PCDH10: variants seen among roughly 807,000 people sequenced by gnomAD.
PCDH10 encodes protocadherin-10.
In PCDH10, 15 loss-of-function variants were observed where a neutral mutation model predicts 74.4. That is an observed-to-expected ratio of 0.20 (90% CI 0.13 to 0.31). The LOEUF (loss-of-function observed/expected upper bound fraction) is 0.31, where lower values mean the gene tolerates loss of function less well. Among genes scored for constraint, PCDH10 ranks in the 10% least tolerant of loss-of-function variants. The pLI, the probability that PCDH10 is intolerant of heterozygous loss-of-function variation, is 1.00. For synonymous variants in PCDH10, 619 were observed against 589.8 expected (o/e 1.05, Z -0.72); for missense variants, 1,260 against 1,390.2 (o/e 0.91, Z 1.49).
Position 133,152,021 on chromosome 4 carries a change from C to G in PCDH10, c.1881C>G (p.Asn627Lys). Reference sequence around the variant, plus strand: ...GCATCGTGCGTGGCAACGAAATGAACCTCTTTCGCATGGACTGGCGCACCG... The same window carrying G: ...GCATCGTGCGTGGCAACGAAATGAAGCTCTTTCGCATGGACTGGCGCACCG... ...TYSIVRGNEM[N>K]LFRMDWRTGE... The change falls in exon 1 of 5, where the codon AAC becomes AAG. Residue 627 changes from asparagine (N) to lysine (K), a missense_variant. Asn to Lys is a moderately conservative substitution (Grantham distance 94). This residue lies in a region of PCDH10 where 587 missense variants were observed against 616.9 expected (regional missense o/e 0.95). Coordinates refer to ENST00000264360, the MANE Select transcript of PCDH10 (RefSeq NM_032961.3). The G allele has an allele frequency of 6.2e-7, 1 of 1,612,660 alleles. No individual in the cohort carries two copies. Among genetic ancestry groups the G allele is most frequent in the Non-Finnish European group, 8.5e-7 (1 of 1,179,764 alleles).
chr4:133,199,368 A>G (rs1727858350), downstream of PCDH10, among the ~76,000 whole-genome samples: 1 of 150,780 alleles, frequency 6.6e-6, no homozygotes, highest in African/African-American at 2.4e-5. Context: ...TGGAAAAGAG[A>G]AAAAGAGACA....
At position 133,182,591 on chromosome 4, in the gene PCDH10, T is replaced by C. The variant is rs892337356; in HGVS notation, c.3104-7550T>C. The stretch of plus-strand genomic sequence containing the variant: ...TCACAATTTCCATATTTTAGTGGAC[T>C]CTGATGAAGGATTCCAGAAAAATTT... On this transcript the variant is annotated intron_variant, in intron 4 of 4. Transcript: ENST00000264360. 6.6e-4 allele frequency among the ~76,000 whole-genome samples: 101 copies of C among 152,084 alleles called. 5 individuals are homozygous for C. The highest frequency in any genetic ancestry group is 8.8e-5 in the Non-Finnish European group (6 of 67,964).
intron 2 of PCDH10, among the ~76,000 whole-genome samples, chr4:133,207,845 AG>A (rs1728038385): frequency 6.6e-6 from 1 of 152,158 alleles, no homozygotes. Context: ...GTGTTTATGT[AG>A]GGTTGACAGC....
chr4:133,177,407 C>T (rs958929864), intron 4 of PCDH10, among the ~76,000 whole-genome samples: 3 of 152,088 alleles, frequency 2.0e-5, no homozygotes, highest in East Asian at 1.9e-4. Flanking sequence ...AAACCCCAAA[C>T]TTTAGTTACA....
downstream of PCDH10, among the ~76,000 whole-genome samples, chr4:133,197,499 A>T (rs1017347505): frequency 6.6e-6 from 1 of 152,152 alleles, no homozygotes; most frequent in African/African-American, 2.4e-5. Flanking sequence ...TTGTCATGAA[A>T]ACTAGGTTTT....
chr4:133,152,183 C>T lies in PCDH10; in HGVS notation c.2043C>T (p.Gly681=). The T allele has an allele frequency of 6.4e-7, 1 of 1,572,554 alleles. No homozygotes were observed. The highest frequency in any genetic ancestry group is 8.6e-7 in the Non-Finnish European group (1 of 1,159,988). ...CCCTGGTGGTTCAGCTGGTGGATGG[C>T]GCCGTGGAGCCCCAGGGCGGGGGCG... is the stretch of plus-strand genomic sequence containing the variant. ...TATLVVQLVD[G]AVEPQGGGGS... Residue 681 remains glycine, a synonymous_variant, in exon 1 of 5, where the codon GGC becomes GGT. Coordinates refer to ENST00000264360, the MANE Select transcript of PCDH10 (RefSeq NM_032961.3).
At chr4:133,174,182 T>C (rs1727249094) in intron 4 of PCDH10, among the ~76,000 whole-genome samples, 1 of 151,948 alleles carries the variant, frequency 6.6e-6, no homozygotes, top group Non-Finnish European at 1.5e-5. Flanking sequence ...ACACCTATTA[T>C]TAATCATCCA....
At chr4:133,169,617 C>T (rs1404076166) in intron 4 of PCDH10, among the ~76,000 whole-genome samples, 1 of 151,726 alleles carries the variant, frequency 6.6e-6, no homozygotes, top group Admixed American at 6.6e-5. Flanking sequence ...CAAAATAAGA[C>T]TATCAATTAA....
chr4:133,208,020 T>C (rs1386742368), intron 2 of PCDH10: 1 of 152,196 alleles, frequency 6.6e-6, no homozygotes, highest in African/African-American at 2.4e-5. Flanking sequence ...ATGCTATTGT[T>C]TCCATTTTGA....
At position 133,163,236 on chromosome 4, in the gene PCDH10, T is replaced by A. The variant is rs750827718; in HGVS notation, c.3057T>A (p.Asp1019Glu). The change falls in exon 4 of 5, where the codon GAT becomes GAA. Residue 1019 changes from aspartate to glutamate, a missense_variant. By Grantham distance (45) the Asp-to-Glu change is conservative (BLOSUM62 2). Transcript: ENST00000264360. ...GCACTCTGGAGAGGAAGGAGCTGGA[T>A]GGACTGCTGACTAATACGCGAGCGC... is the stretch of plus-strand genomic sequence containing the variant. ...LHSTLERKEL[D>E]GLLTNTRAPY... 17 of 1,613,966 alleles carry A rather than the reference T, an allele frequency of 1.1e-5. No homozygotes were observed. Among genetic ancestry groups the A allele is most frequent in the Non-Finnish European group, 1.4e-5 (17 of 1,180,000 alleles).
At chr4:133,184,704 T>A (rs1452910013) in intron 4 of PCDH10, among the ~76,000 whole-genome samples, 2 of 145,082 alleles carry the variant, frequency 1.4e-5, no homozygotes, top group Non-Finnish European at 3.0e-5. Flanking sequence ...ATAAAATATA[T>A]ATATTTATAT....
rs1467218476 is a variant in PCDH10 at position 133,191,962 on chromosome 4, TATACACACACACACAC to T, written c.*1804_*1819del. 2 of 139,362 alleles carry T rather than the reference TATACACACACACACAC, an allele frequency of 1.4e-5. No individual in the cohort carries two copies. The highest frequency in any genetic ancestry group is 1.4e-4 in the Admixed American group (2 of 14,498). 8.6% of individuals were successfully genotyped at this position (139,362 alleles called of 1,614,324 possible). On this transcript the variant is annotated 3_prime_UTR_variant, in exon 5 of 5. Transcript: ENST00000264360. Reference sequence around the variant, plus strand: ...TAGATTTAACTTTAAAATACATATATATACACACACACACACACACACACACACACACACTTAGGTC... The same window carrying T: ...TAGATTTAACTTTAAAATACATATATACACACACACACACACACTTAGGTC...
rs182664998 is a variant in PCDH10 at position 133,172,349 on chromosome 4, A to G, written c.3103+9067A>G. Reference sequence around the variant, plus strand: ...ATTTAAATTTCCATAATTTTCTCACATATACTATTTATATTCCCAATTGAT... The same window carrying G: ...ATTTAAATTTCCATAATTTTCTCACGTATACTATTTATATTCCCAATTGAT... On this transcript the variant is annotated intron_variant, in intron 4 of 4. Transcript: ENST00000264360. Among the ~76,000 whole-genome samples the G allele has an allele frequency of 5.4e-3, 816 of 152,138 alleles. 8 individuals carry two copies. Among genetic ancestry groups the G allele is most frequent in the African/African-American group, 0.019 (775 of 41,544 alleles).
At chr4:133,197,718 G>C (rs1727822975), downstream of PCDH10, among the ~76,000 whole-genome samples, 4 of 152,046 alleles carry the variant, frequency 2.6e-5, no homozygotes, top group Admixed American at 2.6e-4. Flanking sequence ...GGAACATTTA[G>C]ATAACATTGC....
chr4:133,151,264 C>T lies in PCDH10; in HGVS notation c.1124C>T (p.Thr375Ile), dbSNP rs373727018. 6.2e-7 allele frequency: 1 copy of T among 1,614,078 alleles called. No homozygotes were observed. The highest frequency in any genetic ancestry group is 8.5e-7 in the Non-Finnish European group (1 of 1,180,012). Residue 375 changes from threonine (T) to isoleucine (I), a missense_variant, in exon 1 of 5, where the codon ACT (threonine) becomes ATT (isoleucine). Around this residue, in one of 11 missense-constraint regions of PCDH10, gnomAD observed 112 missense variants for 123.6 expected, o/e 0.91. Coordinates refer to ENST00000264360, the MANE Select transcript of PCDH10 (RefSeq NM_032961.3). Reference sequence around the variant, plus strand: ...GTGAGTGAGGGCGCGGCGCCCGGCACTGTGGTGGCCCTTTTCAGCGTGACT... The same window carrying T: ...GTGAGTGAGGGCGCGGCGCCCGGCATTGTGGTGGCCCTTTTCAGCGTGACT... ...EAVSEGAAPGTVVALFSVTDR... is the reference protein window; with the variant it reads ...EAVSEGAAPGIVVALFSVTDR...
At chr4:133,208,275 C>T (rs1728090495) in exon 3 of PCDH10, 1 of 152,146 alleles carries the variant, frequency 6.6e-6, no homozygotes, top group Non-Finnish European at 1.5e-5. Flanking sequence ...AATTTTTGAA[C>T]CACACAGATT....
rs1162456535 is a variant in PCDH10, at chr4:133,151,777, G to T, written c.1637G>T (p.Arg546Leu). The T allele has an allele frequency of 6.2e-7, 1 of 1,612,994 alleles. No individual in the cohort carries two copies. The highest frequency in any genetic ancestry group is 1.3e-5 in the African/African-American group (1 of 74,950). ...LKDFSFQVEARDAGSPQALAG... is the reference protein window; with the variant it reads ...LKDFSFQVEALDAGSPQALAG... ...GACTTCAGTTTTCAGGTGGAAGCCC[G>T]GGACGCTGGCAGCCCCCAGGCGCTG... Residue 546 changes from arginine to leucine, a missense_variant, in exon 1 of 5, where the codon CGG (arginine) becomes CTG (leucine). By Grantham distance (102) the Arg-to-Leu change is moderately radical (BLOSUM62 -2). This residue lies in a region of PCDH10 where 587 missense variants were observed against 616.9 expected (regional missense o/e 0.95). Transcript: ENST00000264360.
chr4:133,152,154 G>A lies in PCDH10; in HGVS notation c.2014G>A (p.Ala672Thr), dbSNP rs971007929. The A allele has an allele frequency of 2.6e-6, 4 of 1,565,440 alleles. No individual in the cohort carries two copies. In the Middle Eastern group the frequency reaches 6.9e-4, roughly 270 times the overall value. ...DHGQPPLSST[A>T]TLVVQLVDGA... ...TGGGCAGCCGCCCCTTTCCTCCACC[G>A]CCACCCTGGTGGTTCAGCTGGTGGA... The change falls in exon 1 of 5, where the codon GCC (alanine) becomes ACC (threonine). Residue 672 changes from alanine to threonine, a missense_variant. Around this residue, in one of 11 missense-constraint regions of PCDH10, gnomAD observed 587 missense variants for 616.9 expected, o/e 0.95. Coordinates refer to ENST00000264360, the MANE Select transcript of PCDH10 (RefSeq NM_032961.3).
exon 3 of PCDH10, chr4:133,208,228 A>T (rs571613790): frequency 2.0e-5 from 3 of 152,210 alleles, no homozygotes; most frequent in Admixed American, 2.0e-4. Flanking sequence ...AACCTTTGAG[A>T]GTCCTTAGCC....
Sources: allele counts gnomAD v4.1 joint callset (sites outside exome capture counted in the v4.1 genomes callset), GRCh38; gene constraint gnomAD v4.1.1; regional missense constraint gnomAD v4.1.1; transcripts MANE v1.5; gene names NCBI Gene and HGNC (gene_info 2026-07-23, HGNC 2026-07-21).